The following FOXN3 variants were observed in gnomAD, a reference collection of about 807,000 sequenced individuals.
FOXN3 encodes forkhead box N3, also known as forkhead box protein N3.
FOXN3 carries 7 observed loss-of-function variants against 38.4 expected under a neutral mutation model. That is an observed-to-expected ratio of 0.18 (90% CI 0.10 to 0.34). The LOEUF (loss-of-function observed/expected upper bound fraction) is 0.34. FOXN3 is among the 10% of genes least tolerant of loss of function. FOXN3 has a pLI of 1.00. For missense variants in FOXN3, 456 were observed against 613.4 expected (o/e 0.74, Z 2.71); for synonymous variants, 230 against 242.2 (o/e 0.95, Z 0.47).
intron 1 of FOXN3, among the ~76,000 whole-genome samples, chr14:89,552,821 G>A (rs559540144): frequency 2.0e-5 from 3 of 152,276 alleles, no homozygotes; most frequent in African/African-American, 7.2e-5. Context: ...GCTGCAGTGG[G>A]TGGAGGTTGC....
chr14:89,360,762 ACCACTACCACCT>A lies in FOXN3; in HGVS notation c.544-9966_544-9955del, dbSNP rs1478008313. ...CAGCACCACCTCCACCACCACCTCC[ACCACTACCACCT>A]CCACCACCACCTCCACCACCACCAC... On this transcript the variant is annotated intron_variant, in intron 2 of 5. Coordinates refer to ENST00000557258, the MANE Select transcript of FOXN3 (RefSeq NM_005197.4). 1.1e-3 allele frequency among the ~76,000 whole-genome samples: 66 copies of A among 60,814 alleles called. 2 individuals carry two copies. The highest frequency in any genetic ancestry group is 3.2e-3 in the African/African-American group (34 of 10,602). The allele number at this position is 60,814 out of a possible 152,430, so 39.9% of individuals were successfully genotyped here. A position where few individuals can be genotyped will look rare whatever the true frequency, so the allele number is the denominator to read the frequency against.
chr14:89,389,759 C>T (rs79443082), intron 2 of FOXN3, among the ~76,000 whole-genome samples: 1,723 of 152,262 alleles, frequency 0.011, 43 homozygotes, highest in African/African-American at 0.04. Context: ...CATCAATATA[C>T]GATCTTAGCA....
chr14:89,259,258 C>T (rs549649206), intron 4 of FOXN3, among the ~76,000 whole-genome samples: 1 of 152,208 alleles, frequency 6.6e-6, no homozygotes, highest in African/African-American at 2.4e-5. Flanking sequence ...GACTGATGAT[C>T]TCTTTCTATG....
intron 4 of FOXN3, among the ~76,000 whole-genome samples, chr14:89,189,514 C>T (rs536056882): frequency 6.6e-6 from 1 of 152,346 alleles, no homozygotes; most frequent in South Asian, 2.1e-4. Context: ...AATGTCCTAA[C>T]AACAAGCTGA....
chr14:89,245,445 T>C (rs913384804), intron 4 of FOXN3, among the ~76,000 whole-genome samples: 4 of 151,046 alleles, frequency 2.6e-5, no homozygotes, highest in Non-Finnish European at 4.4e-5. Context: ...CAAAATTCCT[T>C]GGCCTTTAGG....
intron 3 of FOXN3, among the ~76,000 whole-genome samples, chr14:89,320,650 A>G (rs4904544): frequency 0.76 from 115,838 of 152,118 alleles, 44,275 homozygotes; most frequent in Middle Eastern, 0.82. Flanking sequence ...CAGGGGAATG[A>G]GAAGTCCTGC....
At chr14:89,197,583 C>T (rs1888130702) in intron 4 of FOXN3, among the ~76,000 whole-genome samples, 1 of 151,944 alleles carries the variant, frequency 6.6e-6, no homozygotes, top group Non-Finnish European at 1.5e-5. Flanking sequence ...GTGCCTGCAA[C>T]ATCCAGAGTG....
intron 3 of FOXN3, among the ~76,000 whole-genome samples, chr14:89,313,528 G>T (rs2139962768): frequency 6.6e-6 from 1 of 151,468 alleles, no homozygotes; most frequent in South Asian, 2.1e-4. Flanking sequence ...ACTGCATCCA[G>T]CCTGGGCAAC....
At chr14:89,294,580 G>A (rs1377636961) in intron 3 of FOXN3, among the ~76,000 whole-genome samples, 2 of 152,158 alleles carry the variant, frequency 1.3e-5, no homozygotes, top group African/African-American at 2.4e-5. Context: ...GTCGGCACAA[G>A]ATGCAGGTCA....
Position 89,548,914 on chromosome 14 carries a change from T to C in FOXN3, c.-15+70114A>G, listed in dbSNP as rs1894940823. 6.6e-6 allele frequency among the ~76,000 whole-genome samples: 1 copy of C among 151,926 alleles called. No homozygotes were observed. Among genetic ancestry groups the C allele is most frequent in the African/African-American group, 2.4e-5 (1 of 41,368 alleles). On this transcript the variant is annotated intron_variant, in intron 1 of 6. Coordinates refer to the FOXN3 transcript ENST00000345097. This position sits in a 1 kb window ranked among gnomAD's most constrained non-coding sequence, Gnocchi z 4.8. ...CAGGTGGATCACCTAAGGTCAGGAGTTCGAGACCAGCCTGATCAATATGGT... is the reference window on the plus strand; with the variant it reads ...CAGGTGGATCACCTAAGGTCAGGAGCTCGAGACCAGCCTGATCAATATGGT...
At chr14:89,199,863 C>T (rs1223015345) in intron 4 of FOXN3, among the ~76,000 whole-genome samples, 2 of 152,098 alleles carry the variant, frequency 1.3e-5, no homozygotes, top group Admixed American at 6.5e-5. Context: ...AAGATTGTGC[C>T]ACTGCGCTCA....
At chr14:89,327,142 C>T (rs3825670) in intron 3 of FOXN3, among the ~76,000 whole-genome samples, 30,272 of 151,814 alleles carry the variant, frequency 0.2, 3,286 homozygotes, top group African/African-American at 0.28. Context: ...CTAGGTGGTC[C>T]GGGAAACTTA....
At chr14:89,260,433 G>A (rs55948617) in intron 4 of FOXN3, among the ~76,000 whole-genome samples, 29,171 of 152,168 alleles carry the variant, frequency 0.19, 2,838 homozygotes, top group East Asian at 0.31. Flanking sequence ...CCGGCAATCA[G>A]CAAGAAAAGA....
chr14:89,305,351 CTA>C (rs930658617), intron 3 of FOXN3, among the ~76,000 whole-genome samples: 4 of 152,250 alleles, frequency 2.6e-5, no homozygotes, highest in African/African-American at 9.6e-5. Flanking sequence ...AAGGACGCCT[CTA>C]TGACATCACT....
intron 1 of FOXN3, among the ~76,000 whole-genome samples, chr14:89,521,404 T>C (rs1894316700): frequency 6.7e-6 from 1 of 149,542 alleles, no homozygotes; most frequent in South Asian, 2.1e-4. Context: ...ATAAAAAGAA[T>C]AGAAGAGAAT....
chr14:89,571,015 ACTAAGTAG>A (rs1283406570), intron 1 of FOXN3, among the ~76,000 whole-genome samples: 1 of 152,236 alleles, frequency 6.6e-6, no homozygotes, highest in Non-Finnish European at 1.5e-5. Flanking sequence ...AGAAAGGAGC[ACTAAGTAG>A]CTAAAAGCCC....
intron 3 of FOXN3, among the ~76,000 whole-genome samples, chr14:89,326,840 A>C (rs899891813): frequency 1.3e-5 from 2 of 152,208 alleles, no homozygotes; most frequent in Non-Finnish European, 2.9e-5. Context: ...ATAAAGTAGG[A>C]AGAATAGAGA....
At chr14:89,282,935 T>G (rs1230928653) in intron 3 of FOXN3, among the ~76,000 whole-genome samples, 1 of 152,230 alleles carries the variant, frequency 6.6e-6, no homozygotes, top group African/African-American at 2.4e-5. Context: ...TTTAATGTAC[T>G]TAAATCACTG....
intron 1 of FOXN3, among the ~76,000 whole-genome samples, chr14:89,537,441 TTGGA>T (rs10588872): frequency 0.38 from 56,491 of 149,504 alleles, 10,793 homozygotes; most frequent in African/African-American, 0.43. Context: ...CCATGAAATG[TTGGA>T]TGGATGGATG....
Sources: gnomAD v4.1 joint callset for allele counts (sites outside exome capture counted in the v4.1 genomes callset) on GRCh38, gnomAD v4.1.1 for gene constraint, Gnocchi (gnomAD v3.1) non-coding constraint, MANE v1.5 for transcripts, NCBI Gene and HGNC (gene_info 2026-07-23, HGNC 2026-07-21) for gene names.